Variants in ZNF438 observed in about 807,000 individuals in gnomAD.
The protein encoded by ZNF438 is zinc finger protein 438.
A neutral mutation model predicts 38.0 loss-of-function variants in ZNF438; 25 were observed. The observed-to-expected ratio is 0.66, with a 90% CI of 0.48 to 0.92. The LOEUF (loss-of-function observed/expected upper bound fraction) is 0.92. ZNF438 is among the 40% of genes least tolerant of loss of function. The pLI is 0.00. For synonymous variants in ZNF438, 372 were observed against 364.1 expected (o/e 1.02, Z -0.25); for missense variants, 1,007 against 999.6 (o/e 1.01, Z -0.10).
chr10:30,978,764 TATA>T (rs1383111016), intron 1 of ZNF438, among the ~76,000 whole-genome samples: 22 of 152,234 alleles, frequency 1.4e-4, no homozygotes, highest in African/African-American at 5.3e-4. Flanking sequence ...TTTTACTCAG[TATA>T]ATGTTTTTGA....
intron 3 of ZNF438, among the ~76,000 whole-genome samples, chr10:30,908,195 T>C (rs2042761983): frequency 6.6e-6 from 1 of 152,210 alleles, no homozygotes; most frequent in South Asian, 2.1e-4. Context: ...AATTTCCTTT[T>C]GTTACTTATT....
intron 3 of ZNF438, among the ~76,000 whole-genome samples, chr10:30,906,525 C>T (rs2042602354): frequency 6.6e-6 from 1 of 152,094 alleles, no homozygotes; most frequent in African/African-American, 2.4e-5. Flanking sequence ...AAATAGAGAA[C>T]GTTTTTCTTC....
At chr10:30,952,484 A>G (rs1489833544) in intron 1 of ZNF438, among the ~76,000 whole-genome samples, 1 of 151,816 alleles carries the variant, frequency 6.6e-6, no homozygotes, top group Non-Finnish European at 1.5e-5. Context: ...ATGGGAGAAA[A>G]TTTTCGCAAC....
At chr10:30,852,205 T>C (rs1010017808) in intron 4 of ZNF438, among the ~76,000 whole-genome samples, 6 of 130,596 alleles carry the variant, frequency 4.6e-5, no homozygotes, top group Non-Finnish European at 9.9e-5. Flanking sequence ...CAACCTTGAT[T>C]TTCTTTTTTC....
chr10:30,903,386 T>A (rs549625167), intron 3 of ZNF438, among the ~76,000 whole-genome samples: 2 of 152,262 alleles, frequency 1.3e-5, no homozygotes, highest in East Asian at 3.9e-4. Flanking sequence ...CACCATCACT[T>A]CTACATAACT....
chr10:30,936,372 A>G (rs993600017), intron 2 of ZNF438, among the ~76,000 whole-genome samples: 4 of 152,186 alleles, frequency 2.6e-5, no homozygotes, highest in African/African-American at 7.2e-5. Flanking sequence ...AAATCTAAAT[A>G]GCTATTAGAA....
chr10:30,920,364 A>C (rs2044154697), intron 2 of ZNF438: 1 of 152,200 alleles, frequency 6.6e-6, no homozygotes, highest in South Asian at 2.1e-4. Flanking sequence ...TATCAGATAC[A>C]CTAACGTACA....
intron 1 of ZNF438, among the ~76,000 whole-genome samples, chr10:30,947,878 T>C (rs2135687330): frequency 6.8e-6 from 1 of 147,290 alleles, no homozygotes; most frequent in East Asian, 2.0e-4. Context: ...CTCGCCCTGC[T>C]TCGGCTCGCG....
intron 3 of ZNF438, among the ~76,000 whole-genome samples, chr10:30,895,072 G>A (rs941922584): frequency 9.9e-5 from 15 of 152,156 alleles, no homozygotes; most frequent in African/African-American, 2.4e-4. Context: ...AAATCAGAAC[G>A]CAGAAGGCCC....
chr10:31,025,834 TATATA>T (rs2056901568), intron 1 of ZNF438, among the ~76,000 whole-genome samples: 1 of 152,198 alleles, frequency 6.6e-6, no homozygotes, highest in African/African-American at 2.4e-5. Context: ...AAGTGCTACT[TATATA>T]AATTATTTAA....
Position 30,887,287 on chromosome 10 carries a change from C to G in ZNF438, c.-31-10222G>C, listed in dbSNP as rs183441542. On this transcript the variant is annotated intron_variant, in intron 3 of 5. Coordinates refer to ENST00000413025, the Ensembl canonical transcript of ZNF438. Reference sequence around the variant, plus strand: ...GGCTCTGGGCCATGCTTTCCCCTGGCTCCTTCTGCCTCCTGACTGACCCAG... The same window carrying G: ...GGCTCTGGGCCATGCTTTCCCCTGGGTCCTTCTGCCTCCTGACTGACCCAG... Among the ~76,000 whole-genome samples, 104 of 152,332 alleles carry G rather than the reference C, an allele frequency of 6.8e-4. No homozygotes were observed. In the Middle Eastern group the frequency reaches 0.01, roughly 15 times the overall value.
intron 1 of ZNF438, among the ~76,000 whole-genome samples, chr10:30,946,530 C>T (rs1484945493): frequency 2.6e-5 from 4 of 152,126 alleles, no homozygotes; most frequent in East Asian, 1.9e-4. Flanking sequence ...AAAAAGTGGG[C>T]GAAGGACATG....
chr10:30,849,310 G>C, exon 5 of ZNF438: 1 of 1,614,130 alleles, frequency 6.2e-7, no homozygotes, highest in East Asian at 2.2e-5. Context: ...GATCAAGTTT[G>C]GTGGGTGGAC....
At chr10:30,930,205 C>A (rs1477824599) in intron 2 of ZNF438, among the ~76,000 whole-genome samples, 1 of 152,014 alleles carries the variant, frequency 6.6e-6, no homozygotes, top group African/African-American at 2.4e-5. Flanking sequence ...GGTTGCAGGT[C>A]CCGAGCCCTG....
chr10:30,887,325 G>T (rs374846192), intron 3 of ZNF438, among the ~76,000 whole-genome samples: 1 of 152,146 alleles, frequency 6.6e-6, no homozygotes, highest in East Asian at 1.9e-4. Flanking sequence ...GCTTCTCCCT[G>T]TGGCTTTGAA....
intron 3 of ZNF438, among the ~76,000 whole-genome samples, chr10:30,903,233 G>A (rs117129147): frequency 0.011 from 1,678 of 152,300 alleles, 66 homozygotes; most frequent in East Asian, 0.091. Flanking sequence ...AGCCAGCCCA[G>A]AGAAGGGCTC....
At chr10:30,867,704 C>A (rs10763842) in intron 4 of ZNF438, among the ~76,000 whole-genome samples, 58,212 of 151,982 alleles carry the variant, frequency 0.38, 11,441 homozygotes, top group Admixed American at 0.41. Flanking sequence ...AAAATCACAT[C>A]TAGAAATGTT....
intron 4 of ZNF438, among the ~76,000 whole-genome samples, chr10:30,859,265 T>C (rs1202893804): frequency 2.0e-5 from 3 of 152,238 alleles, no homozygotes; most frequent in Admixed American, 6.5e-5. Context: ...TATTTTTTTA[T>C]ATATTGTTTT....
In ZNF438 at chr10:30,850,772, T is replaced by C. The variant is rs142661697; in HGVS notation, c.38-405A>G. 2.1e-3 allele frequency among the ~76,000 whole-genome samples: 322 copies of C among 152,358 alleles called. 1 individual carries two copies. Among genetic ancestry groups the C allele is most frequent in the African/African-American group, 7.0e-3 (291 of 41,580 alleles). On this transcript the variant is annotated intron_variant, in intron 4 of 5. Coordinates refer to ENST00000413025, the Ensembl canonical transcript of ZNF438. ...GTATGTTCTGCTATGTAGTTTATTA[T>C]TTTATATACATGTTCTGCTTTCCCT...
Sources: gnomAD v4.1 joint callset for allele counts (sites outside exome capture counted in the v4.1 genomes callset) on GRCh38, gnomAD v4.1.1 for gene constraint, MANE v1.5 for transcripts, NCBI Gene and HGNC (gene_info 2026-07-23, HGNC 2026-07-21) for gene names.